MS4A6E: variants seen among roughly 807,000 people sequenced by gnomAD.
MS4A6E encodes the protein membrane spanning 4-domains A6E, also known as membrane-spanning 4-domains subfamily A member 6E.
A neutral mutation model predicts 13.2 loss-of-function variants in MS4A6E; 8 were observed. That is an observed-to-expected ratio of 0.60 (90% CI 0.35 to 1.09). MS4A6E has a LOEUF of 1.09. MS4A6E is among the 50% of genes least tolerant of loss of function. The pLI is 0.02. For missense variants in MS4A6E, 177 were observed against 171.1 expected (o/e 1.03, Z -0.19); for synonymous variants, 72 against 67.6 (o/e 1.06, Z -0.32).
chr11:60,332,224 T>G (rs1442420567), intron 1 of MS4A6E, among the ~76,000 whole-genome samples: 1 of 152,258 alleles, frequency 6.6e-6, no homozygotes, highest in African/African-American at 2.4e-5. Context: ...ATTTGTCATC[T>G]CATCCTCTAT....
chr11:60,331,706 A>T (rs749204869), intron 1 of MS4A6E, among the ~76,000 whole-genome samples: 32 of 152,190 alleles, frequency 2.1e-4, no homozygotes, highest in Non-Finnish European at 4.1e-4. Context: ...GGGTGGTGTT[A>T]TCAGTTGAAT....
intron 2 of MS4A6E, 31 bp from the exon 3 acceptor site, chr11:60,337,710 G>A (rs2085197039): frequency 1.2e-6 from 2 of 1,613,064 alleles, no homozygotes; most frequent in African/African-American, 1.3e-5. Context: ...GGCCCTTTGG[G>A]AATGATTCTT....
At chr11:60,336,360 T>C (rs1313694373) in intron 2 of MS4A6E, among the ~76,000 whole-genome samples, 3 of 152,170 alleles carry the variant, frequency 2.0e-5, no homozygotes, top group Non-Finnish European at 4.4e-5. Flanking sequence ...CTGGCAACCA[T>C]ACTGAGTAGC....
At chr11:60,346,380 G>A (rs1413938994) in intron 4 of MS4A6E, among the ~76,000 whole-genome samples, 2 of 152,170 alleles carry the variant, frequency 1.3e-5, no homozygotes, top group African/African-American at 4.8e-5. Context: ...GACCAAAGTG[G>A]CCATGCTCAG....
chr11:60,337,571 A>G (rs2085195234), intron 2 of MS4A6E, among the ~76,000 whole-genome samples, 170 bp from the exon 3 acceptor site: 1 of 152,204 alleles, frequency 6.6e-6, no homozygotes, highest in Non-Finnish European at 1.5e-5. Flanking sequence ...TTTACGTTGC[A>G]GATTCTGAGT....
At chr11:60,337,073 C>T (rs1027394751) in intron 2 of MS4A6E, among the ~76,000 whole-genome samples, 2 of 152,088 alleles carry the variant, frequency 1.3e-5, no homozygotes, top group Non-Finnish European at 2.9e-5. Context: ...TCCTTGGGCC[C>T]GCACCTAGAC....
intron 1 of MS4A6E, among the ~76,000 whole-genome samples, chr11:60,331,785 C>A (rs909887156): frequency 6.6e-6 from 1 of 152,124 alleles, no homozygotes; most frequent in Admixed American, 6.5e-5. Context: ...AAAAGTGGGG[C>A]CTTTGCAAGG....
At chr11:60,345,795 C>A (rs1429376470), downstream of MS4A6E, among the ~76,000 whole-genome samples, 3 of 152,126 alleles carry the variant, frequency 2.0e-5, no homozygotes, top group East Asian at 3.8e-4. Context: ...CTTCTGGGAC[C>A]AGTAGGGCCA....
downstream of MS4A6E, among the ~76,000 whole-genome samples, chr11:60,341,578 C>G (rs1478614593): frequency 6.7e-6 from 1 of 148,472 alleles, no homozygotes; most frequent in Non-Finnish European, 1.5e-5. Context: ...TAAGCCTCAC[C>G]TTGCTCATGC....
intron 4 of MS4A6E, among the ~76,000 whole-genome samples, chr11:60,340,413 T>C (rs2085216800): frequency 6.6e-6 from 1 of 152,228 alleles, no homozygotes; most frequent in African/African-American, 2.4e-5. Flanking sequence ...AGTGAATGTC[T>C]TATGCTCTGC....
At position 60,330,072 on chromosome 11, in the gene MS4A6E, G is replaced by A. The variant is rs565823777; in HGVS notation, c.-15+2664G>A. On this transcript the variant is annotated intron_variant, in intron 1 of 4. Coordinates refer to ENST00000684409, the MANE Select transcript of MS4A6E (RefSeq NM_139249.4). ...GATCTCCTGACCTCATGATCCATCC[G>A]TCTTGGCCTCCTAAAGTGCTGGGAT... 2.3e-4 allele frequency among the ~76,000 whole-genome samples: 34 copies of A among 150,408 alleles called. 3 individuals are homozygous for A. Among genetic ancestry groups the A allele is most frequent in the Middle Eastern group, 6.8e-3 (2 of 292 alleles).
intron 1 of MS4A6E, among the ~76,000 whole-genome samples, chr11:60,334,418 A>G (rs866936019): frequency 1.4e-4 from 22 of 152,334 alleles, no homozygotes; most frequent in Middle Eastern, 6.8e-3. Context: ...TTCAAATATT[A>G]AAAGCACTGC....
intron 4 of MS4A6E, among the ~76,000 whole-genome samples, chr11:60,348,644 A>G (rs1446891907): frequency 6.6e-6 from 1 of 152,242 alleles, no homozygotes; most frequent in Non-Finnish European, 1.5e-5. Context: ...AGATAACACC[A>G]GGGTGTAACC....
At chr11:60,335,848 A>T (rs2085185698) in intron 2 of MS4A6E, among the ~76,000 whole-genome samples, 1 of 152,198 alleles carries the variant, frequency 6.6e-6, no homozygotes, top group Non-Finnish European at 1.5e-5. Flanking sequence ...TCAGTTATAC[A>T]TGAGAACATG....
At chr11:60,347,272 G>A (rs959128412) in intron 4 of MS4A6E, among the ~76,000 whole-genome samples, 1 of 152,184 alleles carries the variant, frequency 6.6e-6, no homozygotes, top group African/African-American at 2.4e-5. Context: ...AAAAGAGCTA[G>A]GTTGATTGTG....
downstream of MS4A6E, among the ~76,000 whole-genome samples, chr11:60,343,844 G>A (rs543686045): frequency 6.6e-6 from 1 of 152,282 alleles, no homozygotes; most frequent in South Asian, 2.1e-4. Flanking sequence ...CAGCTTTCCA[G>A]GCTTTGACTG....
chr11:60,338,088 G>A, intron 3 of MS4A6E, 141 bp downstream of exon 3: 1 of 741,616 alleles, frequency 1.3e-6, no homozygotes, highest in Non-Finnish European at 2.2e-6. Context: ...TAAATCAAAG[G>A]GGGGCTGCAT....
chr11:60,335,101 A>G, intron 2 of MS4A6E, 59 bp downstream of exon 2: 10 of 1,596,138 alleles, frequency 6.3e-6, no homozygotes, highest in Non-Finnish European at 7.7e-6. Context: ...GAGATGATGT[A>G]TGTTTTGGGA....
downstream of MS4A6E, among the ~76,000 whole-genome samples, chr11:60,345,083 C>T (rs555020258): frequency 1.9e-4 from 29 of 151,998 alleles, no homozygotes; most frequent in African/African-American, 5.3e-4. Context: ...TACAGGTGTG[C>T]GCCACCACAC....
Sources: allele counts gnomAD v4.1 joint callset (sites outside exome capture counted in the v4.1 genomes callset), GRCh38; gene constraint gnomAD v4.1.1; transcripts MANE v1.5; gene names NCBI Gene and HGNC (gene_info 2026-07-23, HGNC 2026-07-21).